Variants in SLC36A1 observed in about 807,000 individuals in gnomAD.
SLC36A1 encodes solute carrier family 36 member 1.
Under a neutral mutation model 47.5 loss-of-function variants are expected in SLC36A1, and 30 were observed. The observed-to-expected ratio is 0.63, with a 90% CI of 0.47 to 0.86. SLC36A1 has a LOEUF of 0.86. Ranked by LOEUF, SLC36A1 falls within the 40% of genes least tolerant of loss-of-function variation. The pLI, the probability that SLC36A1 is intolerant of heterozygous loss-of-function variation, is 0.00. For missense variants in SLC36A1, 517 were observed against 606.0 expected, an observed-to-expected ratio of 0.85 and a Z score of 1.54; for synonymous variants, 255 against 249.7, an observed-to-expected ratio of 1.02 and a Z score of -0.20.
At chr5:151,554,586 T>C in the SLC36A1 span, 2 of 1,614,146 alleles carry the variant, frequency 1.2e-6, no homozygotes, top group Admixed American at 1.7e-5. Context: ...TGGGAGAATA[T>C]AGGTGGATTG....
the SLC36A1 span, chr5:151,387,013 G>A: frequency 6.6e-6 from 1 of 152,208 alleles, no homozygotes; most frequent in Non-Finnish European, 1.5e-5. Context: ...AAACTCCTGG[G>A]GCCTGGTGGA....
At chr5:151,399,108 A>G in the SLC36A1 span, among the ~76,000 whole-genome samples, 90 of 80,236 alleles carry the variant, frequency 1.1e-3, 6 homozygotes, top group Non-Finnish European at 4.2e-4. Flanking sequence ...TTTTTTTGAG[A>G]CAGAGTCTTA....
At chr5:151,547,153 C>T in the SLC36A1 span, among the ~76,000 whole-genome samples, 1 of 151,988 alleles carries the variant, frequency 6.6e-6, no homozygotes, top group Non-Finnish European at 1.5e-5. Flanking sequence ...TATTGCTTAC[C>T]ATAAATCAGA....
the SLC36A1 span, among the ~76,000 whole-genome samples, chr5:151,528,837 G>A: frequency 1.3e-5 from 2 of 152,092 alleles, no homozygotes; most frequent in African/African-American, 2.4e-5. Flanking sequence ...CACGTCACCC[G>A]CTATGACCAG....
the SLC36A1 span, among the ~76,000 whole-genome samples, chr5:151,379,918 A>G: frequency 3.3e-5 from 5 of 152,308 alleles, no homozygotes; most frequent in South Asian, 2.1e-4. Flanking sequence ...TTAAGTGCTT[A>G]TATTAGAAAA....
the SLC36A1 span, among the ~76,000 whole-genome samples, chr5:151,385,009 A>AGAGAGTGTGT: frequency 1.1e-4 from 14 of 128,522 alleles, no homozygotes; most frequent in African/African-American, 4.7e-4. Context: ...AGAGAGAGAG[A>AGAGAGTGTGT]GTGTGTGTGT....
the SLC36A1 span, among the ~76,000 whole-genome samples, chr5:151,386,059 A>G: frequency 2.0e-5 from 3 of 150,620 alleles, no homozygotes; most frequent in Non-Finnish European, 4.4e-5. Flanking sequence ...TTGTATTTTT[A>G]GTAGAGATGG....
At chr5:151,533,928 T>A in the SLC36A1 span, among the ~76,000 whole-genome samples, 3 of 152,256 alleles carry the variant, frequency 2.0e-5, no homozygotes, top group East Asian at 1.9e-4. Flanking sequence ...GAAAAAGAAT[T>A]AACTCCAATG....
At chr5:151,367,151 C>T in the SLC36A1 span, among the ~76,000 whole-genome samples, 18 of 152,130 alleles carry the variant, frequency 1.2e-4, no homozygotes, top group Admixed American at 1.0e-3. Flanking sequence ...CAGCAGTGCA[C>T]GTATTGTCTT....
chr5:151,373,411 G>C, the SLC36A1 span, among the ~76,000 whole-genome samples: 1 of 152,128 alleles, frequency 6.6e-6, no homozygotes, highest in Non-Finnish European at 1.5e-5. Context: ...AAGGGAAAAA[G>C]ACATTTAGAT....
chr5:151,450,140 C>T (rs118154906), intron 1 of SLC36A1, among the ~76,000 whole-genome samples: 89 of 130,728 alleles, frequency 6.8e-4, no homozygotes, highest in South Asian at 3.9e-3. Flanking sequence ...TGGATGGAGC[C>T]GATGTCCACT....
chr5:151,483,702 T>A (rs920223560), intron 10 of SLC36A1, among the ~76,000 whole-genome samples: 1 of 152,186 alleles, frequency 6.6e-6, no homozygotes, highest in Non-Finnish European at 1.5e-5. Context: ...TTAGTTAAAG[T>A]CATTTTCCAT....
At chr5:151,366,098 C>T in the SLC36A1 span, among the ~76,000 whole-genome samples, 1 of 152,298 alleles carries the variant, frequency 6.6e-6, no homozygotes, top group South Asian at 2.1e-4. Context: ...TGCACATACT[C>T]TTCCTGACAT....
At chr5:151,399,084 A>ATATATATATTTTTT in the SLC36A1 span, among the ~76,000 whole-genome samples, 12 of 60,032 alleles carry the variant, frequency 2.0e-4, no homozygotes, top group South Asian at 1.5e-3. Flanking sequence ...ATATATATAT[A>ATATATATATTTTTT]TTTTTTTTTT....
intron 1 of SLC36A1, among the ~76,000 whole-genome samples, chr5:151,455,398 C>T (rs974491581): frequency 4.6e-5 from 7 of 152,204 alleles, no homozygotes; most frequent in African/African-American, 1.4e-4. Context: ...TTCCATATCC[C>T]GCAGGCTTAT....
At chr5:151,377,473 C>T in the SLC36A1 span, among the ~76,000 whole-genome samples, 2 of 150,902 alleles carry the variant, frequency 1.3e-5, no homozygotes, top group African/African-American at 2.4e-5. Context: ...CTCAGCCTCC[C>T]GTGTAGCTGG....
At chr5:151,391,029 C>G in the SLC36A1 span, among the ~76,000 whole-genome samples, 1 of 151,926 alleles carries the variant, frequency 6.6e-6, no homozygotes, top group Non-Finnish European at 1.5e-5. Context: ...ATTGATTCTT[C>G]CTATCCATGA....
intron 10 of SLC36A1, among the ~76,000 whole-genome samples, chr5:151,486,095 T>C (rs531223632): frequency 2.8e-4 from 43 of 152,324 alleles, no homozygotes; most frequent in African/African-American, 1.0e-3. Context: ...GGCTCATGGC[T>C]CTGCAGGCTG....
At chr5:151,448,906 C>T (rs723329) in intron 1 of SLC36A1, among the ~76,000 whole-genome samples, 16,701 of 152,000 alleles carry the variant, frequency 0.11, 2,955 homozygotes, top group African/African-American at 0.38. Flanking sequence ...TCTTTCTAGG[C>T]TTGTTTTTTT....
Sources: gnomAD v4.1 joint callset for allele counts (sites outside exome capture counted in the v4.1 genomes callset) on GRCh38, gnomAD v4.1.1 for gene constraint, MANE v1.5 for transcripts, NCBI Gene and HGNC (gene_info 2026-07-23, HGNC 2026-07-21) for gene names.